CIITA: variants seen among roughly 807,000 people sequenced by gnomAD.
The protein encoded by CIITA is MHC class II transactivator.
A neutral mutation model predicts 115.1 loss-of-function variants in CIITA; 72 were observed. The observed-to-expected ratio is 0.63, with a 90% CI of 0.52 to 0.76. The LOEUF is 0.76. CIITA is among the 30% of genes least tolerant of loss of function. CIITA has a pLI of 0.00. For missense variants in CIITA, 1,617 were observed against 1,463.8 expected (o/e 1.10, Z -1.71); for synonymous variants, 763 against 635.6 (o/e 1.20, Z -3.02).
intron 13 of CIITA, among the ~76,000 whole-genome samples, chr16:10,912,318 T>G (rs1421310055): frequency 6.6e-6 from 1 of 152,184 alleles, no homozygotes; most frequent in Non-Finnish European, 1.5e-5. Flanking sequence ...TTAACCATGT[T>G]GGCCAGGCTG....
At chr16:10,898,128 G>C (rs755944769) in intron 3 of CIITA, among the ~76,000 whole-genome samples, 2 of 151,960 alleles carry the variant, frequency 1.3e-5, no homozygotes, top group Non-Finnish European at 2.9e-5. Flanking sequence ...TTTTTTCTCG[G>C]ACTTCATGTC....
At chr16:10,890,564 A>G (rs1424338291) in intron 1 of CIITA, among the ~76,000 whole-genome samples, 4 of 152,174 alleles carry the variant, frequency 2.6e-5, no homozygotes, top group Non-Finnish European at 1.5e-5. Flanking sequence ...TGGAATTTCT[A>G]CAGATGTGAG....
Position 10,898,667 on chromosome 16 carries a change from C to A in CIITA, c.296-3C>A, listed in dbSNP as rs935949937. ...TTGACTGCGCTTTTCCTTGTCTGGG[C>A]AGCGGAACTGGACCAGTATGTCTTC... On this transcript the variant is annotated splice_polypyrimidine_tract_variant and splice_region_variant and intron_variant, in intron 3 of 19. Transcript: ENST00000324288. The A allele has an allele frequency of 3.1e-6, 5 of 1,608,520 alleles. No individual in the cohort carries two copies. The highest frequency in any genetic ancestry group is 4.2e-6 in the Non-Finnish European group (5 of 1,177,658).
intron 1 of CIITA, among the ~76,000 whole-genome samples, chr16:10,871,720 G>T (rs373843638): frequency 6.6e-6 from 1 of 152,176 alleles, no homozygotes; most frequent in African/African-American, 2.4e-5. Flanking sequence ...CCTTTCCTGA[G>T]AACCAGCCCC....
intron 16 of CIITA, 75 bp downstream of exon 16, chr16:10,918,601 G>C: frequency 7.7e-7 from 1 of 1,306,988 alleles, no homozygotes; most frequent in Non-Finnish European, 1.1e-6. Context: ...CATCGTGCTG[G>C]CTGCAGGGGA....
chr16:10,877,493 C>G, intron 1 of CIITA, 111 bp downstream of exon 1: 1 of 1,128,462 alleles, frequency 8.9e-7, no homozygotes, highest in Non-Finnish European at 1.3e-6. Context: ...AGGATGGGAA[C>G]AGGAGTCTGT....
rs1159337668 is a variant in CIITA at position 10,934,837 on chromosome 16, G to C, written c.*10982G>C. 2 of 152,264 alleles carry C rather than the reference G, an allele frequency of 1.3e-5. No individual in the cohort carries two copies. The highest frequency in any genetic ancestry group is 2.9e-5 in the Non-Finnish European group (2 of 68,070). 9.4% of individuals were successfully genotyped at this position (152,264 alleles called of 1,614,324 possible). A position where few individuals can be genotyped will look rare whatever the true frequency, so the allele number is the denominator to read the frequency against. On this transcript the variant is annotated 3_prime_UTR_variant, in exon 20 of 20. Transcript: ENST00000324288. This position sits in a 1 kb window ranked among gnomAD's most constrained non-coding sequence, Gnocchi z 4.2. ...TGGGATGGCAGCTGTGAGGGCACCA[G>C]CACCATCTGGGGACTCGCTGGGTAC...
intron 1 of CIITA, among the ~76,000 whole-genome samples, chr16:10,869,137 G>A (rs2035298291): frequency 6.6e-6 from 1 of 152,202 alleles, no homozygotes; most frequent in African/African-American, 2.4e-5. Flanking sequence ...TAATGACCTT[G>A]GCCCTCTGCT....
Position 10,879,005 on chromosome 16 carries a change from G to A in CIITA, c.52+1623G>A, listed in dbSNP as rs1248182083. The A allele has an allele frequency of 4.5e-6, 1 of 220,562 alleles. No individual in the cohort carries two copies. The highest frequency in any genetic ancestry group is 9.1e-6 in the Non-Finnish European group (1 of 110,166). 13.7% of individuals were successfully genotyped at this position (220,562 alleles called of 1,614,324 possible). A position where few individuals can be genotyped will look rare whatever the true frequency, so the allele number is the denominator to read the frequency against. On this transcript the variant is annotated intron_variant, in intron 1 of 19. Transcript: ENST00000324288. This position sits in a 1 kb window ranked among gnomAD's most constrained non-coding sequence, Gnocchi z 4.3. ...GGCCCCAGAGCTGGCGGGAGGGAGA[G>A]GCCACCAGCAGCGCGCGCGGGAGCC...
chr16:10,934,407 CTG>C lies in CIITA; in HGVS notation c.*10553_*10554del, dbSNP rs1217242960. On this transcript the variant is annotated 3_prime_UTR_variant, in exon 20 of 20. Coordinates refer to ENST00000324288, the MANE Select transcript of CIITA (RefSeq NM_000246.4). The surrounding 1 kb of genome is among the most constrained non-coding windows in gnomAD (Gnocchi z 4.2). ...AGCTTGATACCCTTGGCCTGTATAA[CTG>C]AGCCTTGTGCCAGTTAAAAGGGCAA... 6.6e-6 allele frequency: 1 copy of C among 152,216 alleles called. No homozygotes were observed. The highest frequency in any genetic ancestry group is 1.5e-5 in the Non-Finnish European group (1 of 68,042). 9.4% of individuals were successfully genotyped at this position (152,216 alleles called of 1,614,324 possible). A position where few individuals can be genotyped will look rare whatever the true frequency, so the allele number is the denominator to read the frequency against.
At chr16:10,900,612 C>G (rs1481348785) in intron 5 of CIITA, among the ~76,000 whole-genome samples, 3 of 152,016 alleles carry the variant, frequency 2.0e-5, no homozygotes, top group South Asian at 2.1e-4. Flanking sequence ...TGGTGGCGAA[C>G]ACCTGTAATC....
At chr16:10,876,594 A>G (rs45622142), upstream of CIITA, among the ~76,000 whole-genome samples, 272 of 152,336 alleles carry the variant, frequency 1.8e-3, 2 homozygotes, top group Non-Finnish European at 2.6e-3. Context: ...CTTTCTCCCT[A>G]TGGGAGTCAG....
rs2040615919 is a variant in CIITA, at chr16:10,928,229, G to A, written c.*4374G>A. On this transcript the variant is annotated 3_prime_UTR_variant, in exon 20 of 20. Transcript: ENST00000324288. ...CTTGGTGTGTATGTGAAGGTGCTTT[G>A]AAATCAAGTGCTCTGCAAACTGGAG... 1 of 152,176 alleles carries A rather than the reference G, an allele frequency of 6.6e-6. No homozygotes were observed. The highest frequency in any genetic ancestry group is 2.4e-5 in the African/African-American group (1 of 41,424). The allele number at this position is 152,176 out of a possible 1,614,324, so 9.4% of individuals were successfully genotyped here.
chr16:10,902,603 A>G, intron 7 of CIITA, 55 bp from the exon 8 acceptor site: 2 of 1,611,402 alleles, frequency 1.2e-6, no homozygotes, highest in Non-Finnish European at 1.7e-6. Flanking sequence ...CAAAAGCAGA[A>G]TCGCAAACAC....
intron 13 of CIITA, among the ~76,000 whole-genome samples, chr16:10,911,350 CTTT>C (rs2039559210): frequency 1.0e-5 from 1 of 99,756 alleles, no homozygotes; most frequent in South Asian, 4.9e-4. Context: ...CCCTTTTCTT[CTTT>C]TTCTTTCTCT....
intron 2 of CIITA, 27 bp from the exon 3 acceptor site, chr16:10,895,642 C>T: frequency 6.2e-7 from 1 of 1,613,798 alleles, no homozygotes. Flanking sequence ...AAATTTCCTT[C>T]TTCATCCAAG....
intron 1 of CIITA, among the ~76,000 whole-genome samples, chr16:10,868,004 C>G (rs137883369): frequency 1.1e-4 from 17 of 152,282 alleles, no homozygotes; most frequent in Admixed American, 2.0e-4. Context: ...TCAAGCGATC[C>G]TCCCACCTTG....
At chr16:10,917,762 G>A (rs892426682) in intron 15 of CIITA, among the ~76,000 whole-genome samples, 9 of 152,194 alleles carry the variant, frequency 5.9e-5, no homozygotes, top group Admixed American at 2.0e-4. Context: ...TTACCGGCAT[G>A]AGCCACCACG....
intron 13 of CIITA, among the ~76,000 whole-genome samples, chr16:10,912,623 CTT>C (rs1269536580): frequency 1.3e-5 from 2 of 152,150 alleles, no homozygotes; most frequent in African/African-American, 2.4e-5. Context: ...GCCAGTGTCT[CTT>C]GTTTTGAACA....
Sources: allele counts gnomAD v4.1 joint callset (sites outside exome capture counted in the v4.1 genomes callset), GRCh38; gene constraint gnomAD v4.1.1; non-coding constraint Gnocchi (gnomAD v3.1); transcripts MANE v1.5; gene names NCBI Gene and HGNC (gene_info 2026-07-23, HGNC 2026-07-21).